Variants in PTPRD observed in about 807,000 individuals in gnomAD.
The protein encoded by PTPRD is protein tyrosine phosphatase receptor type D, also known as receptor-type tyrosine-protein phosphatase delta.
PTPRD carries 34 observed loss-of-function variants against 214.5 expected under a neutral mutation model. That is an observed-to-expected ratio of 0.16 (90% CI 0.12 to 0.21). PTPRD has a LOEUF of 0.21. Ranked by LOEUF, PTPRD falls within the 10% of genes least tolerant of loss-of-function variation. PTPRD has a pLI of 1.00. For synonymous variants in PTPRD, 1,128 were observed against 845.7 expected, an observed-to-expected ratio of 1.33 and a Z score of -5.79; for missense variants, 2,545 against 2,398.7, an observed-to-expected ratio of 1.06 and a Z score of -1.27.
At chr9:10,062,137 G>A (rs2097787051) in intron 3 of PTPRD, among the ~76,000 whole-genome samples, 1 of 151,962 alleles carries the variant, frequency 6.6e-6, no homozygotes, top group African/African-American at 2.4e-5. Flanking sequence ...TGAGGAGGGT[G>A]GTAGGATGTT....
At chr9:10,484,367 A>C (rs150866454) in intron 2 of PTPRD, among the ~76,000 whole-genome samples, 2 of 152,206 alleles carry the variant, frequency 1.3e-5, no homozygotes, top group East Asian at 3.9e-4. Context: ...TTATGAATAC[A>C]TTGAAATTCC....
intron 5 of PTPRD, among the ~76,000 whole-genome samples, chr9:9,805,404 G>C (rs2099066652): frequency 6.6e-6 from 1 of 152,150 alleles, no homozygotes; most frequent in African/African-American, 2.4e-5. Context: ...TATTAGAAAA[G>C]AGGAAGAGTT....
intron 2 of PTPRD, among the ~76,000 whole-genome samples, chr9:10,575,803 C>T (rs1277779541): frequency 2.0e-5 from 3 of 152,076 alleles, no homozygotes; most frequent in African/African-American, 7.2e-5. Context: ...TTCCTCTCCC[C>T]AACCCTTTCT....
intron 10 of PTPRD, among the ~76,000 whole-genome samples, chr9:9,167,006 T>A (rs2099905690): frequency 6.8e-6 from 1 of 146,172 alleles, no homozygotes; most frequent in Admixed American, 7.1e-5. Flanking sequence ...TGCACAGTAC[T>A]AAGTCTTATC....
At chr9:10,606,575 C>T (rs1257937255) in intron 2 of PTPRD, among the ~76,000 whole-genome samples, 2 of 149,750 alleles carry the variant, frequency 1.3e-5, no homozygotes, top group East Asian at 2.0e-4. Context: ...TTAACCTTTC[C>T]TGGAACTTGA....
At chr9:10,457,273 G>C (rs1363297421) in intron 2 of PTPRD, among the ~76,000 whole-genome samples, 2 of 151,790 alleles carry the variant, frequency 1.3e-5, no homozygotes, top group Non-Finnish European at 2.9e-5. Flanking sequence ...ATGGCTACCT[G>C]GATCGGGATA....
intron 8 of PTPRD, among the ~76,000 whole-genome samples, chr9:9,507,047 T>C: frequency 6.6e-6 from 1 of 151,402 alleles, no homozygotes; most frequent in East Asian, 1.9e-4. Context: ...AATACATATA[T>C]GAAACAACAG....
intron 14 of PTPRD, among the ~76,000 whole-genome samples, chr9:8,618,772 C>T (rs1595402494): frequency 6.6e-6 from 1 of 151,946 alleles, no homozygotes. Flanking sequence ...TCTTGACTCA[C>T]TGTAACTTCC....
chr9:10,558,786 T>A (rs943675839), intron 2 of PTPRD, among the ~76,000 whole-genome samples: 1 of 152,158 alleles, frequency 6.6e-6, no homozygotes, highest in African/African-American at 2.4e-5. Context: ...TCAATGAGAA[T>A]TTTGTAAGCA....
intron 3 of PTPRD, among the ~76,000 whole-genome samples, chr9:10,302,510 C>G (rs952277237): frequency 6.6e-6 from 1 of 152,158 alleles, no homozygotes; most frequent in African/African-American, 2.4e-5. Context: ...GTGCTGTATT[C>G]GGGAGACCCA....
At chr9:9,148,805 T>G (rs1416596150) in intron 10 of PTPRD, among the ~76,000 whole-genome samples, 1 of 152,174 alleles carries the variant, frequency 6.6e-6, no homozygotes, top group East Asian at 1.9e-4. Flanking sequence ...TTCAGGATAT[T>G]AATGAATATT....
intron 2 of PTPRD, among the ~76,000 whole-genome samples, chr9:10,544,662 T>G (rs927938737): frequency 6.6e-6 from 1 of 152,170 alleles, no homozygotes; most frequent in Admixed American, 6.6e-5. Context: ...AGACAATCAT[T>G]TTAAAGATTT....
intron 10 of PTPRD, among the ~76,000 whole-genome samples, chr9:9,164,349 C>A (rs892324579): frequency 6.6e-6 from 1 of 152,130 alleles, no homozygotes; most frequent in Admixed American, 6.6e-5. Context: ...ACATTGCCTT[C>A]CCACATTGAT....
At chr9:8,984,714 C>A (rs2099330378) in intron 11 of PTPRD, among the ~76,000 whole-genome samples, 1 of 152,116 alleles carries the variant, frequency 6.6e-6, no homozygotes, top group African/African-American at 2.4e-5. Flanking sequence ...TGTTTTCTTT[C>A]TTCCTGGTCT....
At chr9:9,036,265 T>C (rs948977727) in intron 10 of PTPRD, among the ~76,000 whole-genome samples, 2 of 150,574 alleles carry the variant, frequency 1.3e-5, no homozygotes, top group South Asian at 4.2e-4. Context: ...CCAGAACATT[T>C]CCTAAACAAA....
intron 10 of PTPRD, among the ~76,000 whole-genome samples, chr9:9,167,376 A>G (rs1052775064): frequency 4.0e-5 from 6 of 150,930 alleles, no homozygotes; most frequent in African/African-American, 1.5e-4. Flanking sequence ...TCGATTTGCT[A>G]ATGATGACAA....
At chr9:9,121,230 G>A (rs921130188) in intron 10 of PTPRD, among the ~76,000 whole-genome samples, 11 of 152,124 alleles carry the variant, frequency 7.2e-5, no homozygotes, top group African/African-American at 2.4e-4. Flanking sequence ...TTCTTGTAAT[G>A]TAAACTAATA....
rs551528185 is a variant in PTPRD at position 10,108,465 on chromosome 9, A to C, written c.-544-74675T>G. Among the ~76,000 whole-genome samples, 712 of 151,738 alleles carry C rather than the reference A, an allele frequency of 4.7e-3. 5 individuals carry two copies. Among genetic ancestry groups the C allele is most frequent in the African/African-American group, 0.016 (682 of 41,386 alleles). Reference sequence around the variant, plus strand: ...TGTATTTTTTTTTACCATCTCTCTAATCCCCAGCCCACCCCATCCCAGCTT... The same window carrying C: ...TGTATTTTTTTTTACCATCTCTCTACTCCCCAGCCCACCCCATCCCAGCTT... On this transcript the variant is annotated intron_variant, in intron 3 of 45. Transcript: ENST00000381196.
chr9:9,787,418 T>C (rs1382328593), intron 5 of PTPRD, among the ~76,000 whole-genome samples: 1 of 126,466 alleles, frequency 7.9e-6, no homozygotes, highest in Non-Finnish European at 1.6e-5. Context: ...ATGTCAACTA[T>C]GTAAAAAAAA....
Sources: gnomAD v4.1 joint callset for allele counts (sites outside exome capture counted in the v4.1 genomes callset) on GRCh38, gnomAD v4.1.1 for gene constraint, MANE v1.5 for transcripts, NCBI Gene and HGNC (gene_info 2026-07-23, HGNC 2026-07-21) for gene names.